Variants in SOCS2 observed in about 807,000 individuals in gnomAD.
The protein encoded by SOCS2 is suppressor of cytokine signaling 2, also known as CIS-2.
SOCS2 carries 10 observed loss-of-function variants against 18.6 expected under a neutral mutation model. That is an observed-to-expected ratio of 0.54 (90% CI 0.33 to 0.91). SOCS2 has a LOEUF of 0.91. SOCS2 is among the 40% of genes least tolerant of loss of function. The pLI is 0.02. For synonymous variants in SOCS2, 104 were observed against 104.0 expected (o/e 1.00, Z 0.00); for missense variants, 231 against 247.2 (o/e 0.93, Z 0.44).
downstream of SOCS2, among the ~76,000 whole-genome samples, chr12:93,579,622 T>G (rs988265829): frequency 5.3e-5 from 8 of 152,206 alleles, no homozygotes; most frequent in Admixed American, 5.2e-4. Flanking sequence ...TTCATATGCA[T>G]GGTTCTTATA....
the SOCS2 span, among the ~76,000 whole-genome samples, chr12:93,609,204 C>T: frequency 2.6e-5 from 4 of 152,128 alleles, no homozygotes; most frequent in Admixed American, 2.6e-4. Context: ...CCTGCCTGAC[C>T]AACATGGCAA....
At chr12:93,600,213 TA>T in the SOCS2 span, among the ~76,000 whole-genome samples, 1 of 152,242 alleles carries the variant, frequency 6.6e-6, no homozygotes, top group Non-Finnish European at 1.5e-5. Flanking sequence ...GAAAATGAAC[TA>T]ACCCAGTACC....
At chr12:93,585,749 C>A (rs981566918), downstream of SOCS2, among the ~76,000 whole-genome samples, 14 of 152,132 alleles carry the variant, frequency 9.2e-5, no homozygotes, top group Non-Finnish European at 1.8e-4. Flanking sequence ...AGATCTCAAG[C>A]CTTGAAGTGA....
chr12:93,573,008 G>A lies in SOCS2; in HGVS notation c.111G>A (p.Ala37=). Reference sequence around the variant, plus strand: ...CATCCCCGCAGGCGGCGCGTCTGGCGAAGGCCCTGCGGGAGCTCGGTCAGA... The same window carrying A: ...CATCCCCGCAGGCGGCGCGTCTGGCAAAGGCCCTGCGGGAGCTCGGTCAGA... ...EEPSPQAARL[A]KALRELGQTG... The change falls in exon 1 of 2, where the codon GCG becomes GCA. Residue 37 remains alanine, a synonymous_variant. Coordinates refer to ENST00000551556, the MANE Select transcript of SOCS2 (RefSeq NM_001270471.2). 6.4e-7 allele frequency: 1 copy of A among 1,569,774 alleles called. No individual in the cohort carries two copies.
At chr12:93,594,739 A>C in the SOCS2 span, among the ~76,000 whole-genome samples, 1,504 of 152,286 alleles carry the variant, frequency 9.9e-3, 86 homozygotes, top group East Asian at 0.15. Context: ...ATGTTATGTA[A>C]GGGAGTTTGT....
chr12:93,570,950 G>C (rs1231389483), upstream of SOCS2: 4 of 153,374 alleles, frequency 2.6e-5, no homozygotes, highest in Non-Finnish European at 5.9e-5. Context: ...GGGCGCGAGC[G>C]GAGCGCTGAC....
the SOCS2 span, among the ~76,000 whole-genome samples, chr12:93,609,273 T>G: frequency 6.6e-6 from 1 of 152,066 alleles, no homozygotes; most frequent in African/African-American, 2.4e-5. Context: ...GTGCCTGTAA[T>G]CCCAGCTACT....
At chr12:93,609,225 C>G in the SOCS2 span, among the ~76,000 whole-genome samples, 1 of 152,182 alleles carries the variant, frequency 6.6e-6, no homozygotes, top group African/African-American at 2.4e-5. Flanking sequence ...AACCCTGTCT[C>G]TACTAAAAAT....
chr12:93,574,999 T>G lies in SOCS2; in HGVS notation c.417T>G (p.Gly139=). Residue 139 remains glycine (G), a synonymous_variant, in exon 2 of 2, where the codon GGT becomes GGG. Transcript: ENST00000551556. ...YVQMCKDKRT[G]PEAPRNGTVH... Reference sequence around the variant, plus strand: ...AGATGTGCAAGGATAAGCGGACAGGTCCAGAAGCCCCCCGGAACGGCACTG... The same window carrying G: ...AGATGTGCAAGGATAAGCGGACAGGGCCAGAAGCCCCCCGGAACGGCACTG... The G allele has an allele frequency of 6.2e-7, 1 of 1,614,080 alleles. No homozygotes were observed. Among genetic ancestry groups the G allele is most frequent in the Non-Finnish European group, 8.5e-7 (1 of 1,180,018 alleles).
downstream of SOCS2, among the ~76,000 whole-genome samples, chr12:93,577,744 G>A (rs1180750255): frequency 6.6e-6 from 1 of 152,144 alleles, no homozygotes; most frequent in East Asian, 1.9e-4. Context: ...CCCTGAACAC[G>A]CCTGAAAGGG....
chr12:93,573,795 T>C (rs963807591), intron 1 of SOCS2: 1 of 151,692 alleles, frequency 6.6e-6, no homozygotes, highest in Admixed American at 6.6e-5. Flanking sequence ...GGTCTTTCCG[T>C]GTGGGCCACG....
At chr12:93,573,538 C>T (rs1431596037) in intron 1 of SOCS2, 5 of 235,980 alleles carry the variant, frequency 2.1e-5, no homozygotes, top group African/African-American at 6.7e-5. Flanking sequence ...GGCTGCGAAG[C>T]CCCCGCCGAG....
chr12:93,603,013 T>C, the SOCS2 span, among the ~76,000 whole-genome samples: 2 of 152,214 alleles, frequency 1.3e-5, no homozygotes, highest in African/African-American at 4.8e-5. Context: ...CCATTCAAGA[T>C]GTGGGCTCAA....
the SOCS2 span, among the ~76,000 whole-genome samples, chr12:93,591,809 G>A: frequency 6.6e-6 from 1 of 152,168 alleles, no homozygotes; most frequent in Non-Finnish European, 1.5e-5. Context: ...GAGAGCAGAC[G>A]GCTGGGTGCA....
chr12:93,621,256 T>C, the SOCS2 span, among the ~76,000 whole-genome samples: 1 of 152,228 alleles, frequency 6.6e-6, no homozygotes, highest in African/African-American at 2.4e-5. Context: ...TGTCTTTCTT[T>C]AGCATCAGAA....
upstream of SOCS2, chr12:93,572,614 A>T: frequency 1.6e-6 from 1 of 624,978 alleles, no homozygotes; most frequent in Non-Finnish European, 3.0e-6. The surrounding 1 kb of genome is among the most constrained non-coding windows in gnomAD (Gnocchi z 5.0). Context: ...TTCCACGTCT[A>T]TTTCCCCACC....
At chr12:93,609,481 TTAA>T in the SOCS2 span, among the ~76,000 whole-genome samples, 10 of 151,582 alleles carry the variant, frequency 6.6e-5, no homozygotes, top group South Asian at 2.1e-4. Flanking sequence ...TTTTATTACC[TTAA>T]TAATAAATTA....
At chr12:93,619,241 T>C in the SOCS2 span, among the ~76,000 whole-genome samples, 1 of 152,142 alleles carries the variant, frequency 6.6e-6, no homozygotes, top group Non-Finnish European at 1.5e-5. Context: ...GCCCCGCTTC[T>C]TCCTCCTCCC....
the SOCS2 span, among the ~76,000 whole-genome samples, chr12:93,611,398 C>T: frequency 2.5e-4 from 38 of 152,038 alleles, no homozygotes; most frequent in East Asian, 2.5e-3. Flanking sequence ...CCACCACGCC[C>T]GGCTAATTTT....
Sources: allele counts gnomAD v4.1 joint callset (sites outside exome capture counted in the v4.1 genomes callset), GRCh38; gene constraint gnomAD v4.1.1; non-coding constraint Gnocchi (gnomAD v3.1); transcripts MANE v1.5; gene names NCBI Gene and HGNC (gene_info 2026-07-23, HGNC 2026-07-21).